Variants in ARG2 observed in about 807,000 individuals in gnomAD.
ARG2 encodes arginase 2.
In ARG2, 21 loss-of-function variants were observed where a neutral mutation model predicts 39.4. The observed-to-expected ratio is 0.53, with a 90% CI of 0.38 to 0.77. The LOEUF is 0.77. ARG2 is among the 30% of genes least tolerant of loss of function. The pLI is 0.00. For missense variants in ARG2, 378 were observed against 426.2 expected, an observed-to-expected ratio of 0.89 and a Z score of 1.00; for synonymous variants, 150 against 156.7, an observed-to-expected ratio of 0.96 and a Z score of 0.32.
At chr14:67,640,880 T>C (rs1314223403) in intron 2 of ARG2, among the ~76,000 whole-genome samples, 1 of 152,164 alleles carries the variant, frequency 6.6e-6, no homozygotes, top group African/African-American at 2.4e-5. Flanking sequence ...AGGATAGAGG[T>C]TGAGCGTCCC....
At chr14:67,637,619 T>C (rs1193857317) in intron 2 of ARG2, among the ~76,000 whole-genome samples, 1 of 152,094 alleles carries the variant, frequency 6.6e-6, no homozygotes, top group African/African-American at 2.4e-5. Flanking sequence ...CTTTGGGTAT[T>C]GGTAGTACCC....
chr14:67,622,138 C>T (rs1418449449), intron 2 of ARG2, among the ~76,000 whole-genome samples: 1 of 152,036 alleles, frequency 6.6e-6, no homozygotes, highest in African/African-American at 2.4e-5. Flanking sequence ...TCTTTATATC[C>T]AATCTAAATG....
intron 4 of ARG2, chr14:67,646,440 A>G (rs1240153331): frequency 5.4e-6 from 3 of 551,452 alleles, no homozygotes; most frequent in Non-Finnish European, 9.7e-6. Context: ...TTGAGAAAGC[A>G]ATACTGTGTT....
chr14:67,634,096 G>T (rs2036945784), intron 2 of ARG2, among the ~76,000 whole-genome samples: 1 of 151,982 alleles, frequency 6.6e-6, no homozygotes, highest in Non-Finnish European at 1.5e-5. Flanking sequence ...GTATACTTTT[G>T]TTGAAGGAAA....
intron 7 of ARG2, chr14:67,649,833 T>A (rs905077675): frequency 6.6e-6 from 1 of 152,212 alleles, no homozygotes; most frequent in African/African-American, 2.4e-5. Context: ...ATACTTGTAT[T>A]CCTGAATACT....
At position 67,644,721 on chromosome 14, in the gene ARG2, G is replaced by A. The variant is rs148815230; in HGVS notation, c.363-922G>A. Among the ~76,000 whole-genome samples the A allele has an allele frequency of 8.3e-4, 127 of 152,294 alleles. 2 individuals carry two copies. In the Middle Eastern group the frequency reaches 0.01, roughly 12 times the overall value. On this transcript the variant is annotated intron_variant, in intron 3 of 7. Coordinates refer to ENST00000261783, the MANE Select transcript of ARG2 (RefSeq NM_001172.4). ...ACTTTAAGATCTTATATTTGAGGCTGGGCATAGTGGCTCACGCCTGTAATC... is the reference window on the plus strand; with the variant it reads ...ACTTTAAGATCTTATATTTGAGGCTAGGCATAGTGGCTCACGCCTGTAATC...
In ARG2 at chr14:67,651,238, C is replaced by A; in HGVS notation, c.*318C>A. 1 of 1,483,560 alleles carries A rather than the reference C, an allele frequency of 6.7e-7. No homozygotes were observed. The highest frequency in any genetic ancestry group is 9.0e-7 in the Non-Finnish European group (1 of 1,116,732). The allele number at this position is 1,483,560 out of a possible 1,614,324, so 91.9% of individuals were successfully genotyped here. A position where few individuals can be genotyped will look rare whatever the true frequency, so the allele number is the denominator to read the frequency against. On this transcript the variant is annotated 3_prime_UTR_variant, in exon 8 of 8. Transcript: ENST00000261783. ...CCTTCACATTTAAGTGGTTTTTCAT[C>A]TTTCCTCCCTCCTCCCACAGCCTGG...
rs2037170525 is a variant in ARG2, at chr14:67,651,183, G to GTATATCATACTGGTCTTGTTGCTGT, written c.*265_*289dup. Reference sequence around the variant, plus strand: ...GTCATAAACAGCATTTATTACCTTGGTATATCATACTGGTCTTGTTGCTGT... The same window carrying GTATATCATACTGGTCTTGTTGCTGT: ...GTCATAAACAGCATTTATTACCTTGGTATATCATACTGGTCTTGTTGCTGTTATATCATACTGGTCTTGTTGCTGT... On this transcript the variant is annotated 3_prime_UTR_variant, in exon 8 of 8. Transcript: ENST00000261783. 1 of 1,038,200 alleles carries GTATATCATACTGGTCTTGTTGCTGT rather than the reference G, an allele frequency of 9.6e-7. No individual in the cohort carries two copies. Among genetic ancestry groups the GTATATCATACTGGTCTTGTTGCTGT allele is most frequent in the African/African-American group, 1.6e-5 (1 of 61,662 alleles). 64.3% of individuals were successfully genotyped at this position (1,038,200 alleles called of 1,614,324 possible).
intron 2 of ARG2, among the ~76,000 whole-genome samples, chr14:67,624,610 C>T (rs1174524831): frequency 6.6e-6 from 1 of 152,134 alleles, no homozygotes; most frequent in East Asian, 1.9e-4. Context: ...CATGAGACAG[C>T]ACTAGGGAGA....
At chr14:67,621,115 A>C in intron 2 of ARG2, 149 bp downstream of exon 2, 1 of 719,804 alleles carries the variant, frequency 1.4e-6, no homozygotes, top group East Asian at 2.8e-5. Flanking sequence ...CTGCGGCTTA[A>C]GATCAAGGAG....
At chr14:67,648,253 G>T in intron 7 of ARG2, 70 bp downstream of exon 7, 4 of 1,508,594 alleles carry the variant, frequency 2.7e-6, no homozygotes, top group South Asian at 1.3e-5. Flanking sequence ...TGCCTGCAAA[G>T]GATCTTTTCT....
rs1172674979 is a variant in ARG2, at chr14:67,620,014, A to G, written c.37A>G (p.Thr13Ala). The G allele has an allele frequency of 6.2e-7, 1 of 1,610,730 alleles. No homozygotes were observed. The highest frequency in any genetic ancestry group is 8.5e-7 in the Non-Finnish European group (1 of 1,178,600). Reference sequence around the variant, plus strand: ...GGGCAGCCTCTCGCGTCTCCTCCAGACGCGAGTGCATTCCATCCTGAAGAA... The same window carrying G: ...GGGCAGCCTCTCGCGTCTCCTCCAGGCGCGAGTGCATTCCATCCTGAAGAA... ...LRGSLSRLLQ[T>A]RVHSILKKSV... Residue 13 changes from threonine to alanine, a missense_variant, in exon 1 of 8, where the codon ACG (threonine) becomes GCG (alanine). Physicochemically the swap from Thr to Ala is moderately conservative, Grantham distance 58 (BLOSUM62 0). Transcript: ENST00000261783.
At chr14:67,629,016 C>T (rs2036893493) in intron 2 of ARG2, among the ~76,000 whole-genome samples, 1 of 152,282 alleles carries the variant, frequency 6.6e-6, no homozygotes, top group African/African-American at 2.4e-5. Context: ...GTGGTACATA[C>T]ATATAATGGA....
intron 2 of ARG2, among the ~76,000 whole-genome samples, chr14:67,629,339 AT>A (rs2036896382): frequency 6.6e-6 from 1 of 152,228 alleles, no homozygotes; most frequent in Non-Finnish European, 1.5e-5. Flanking sequence ...ATAAAGCCTC[AT>A]CTGTTTAAGA....
Position 67,646,955 on chromosome 14 carries a change from T to C in ARG2, c.652T>C (p.Ser218Pro). The change falls in exon 6 of 8, where the codon TCC (serine) becomes CCC (proline). Residue 218 changes from serine (S) to proline (P), a missense_variant. Coordinates refer to ENST00000261783, the MANE Select transcript of ARG2 (RefSeq NM_001172.4). ...ILKNYDIQYFSMRDIDRLGIQ... is the reference protein window; with the variant it reads ...ILKNYDIQYFPMRDIDRLGIQ... The stretch of plus-strand genomic sequence containing the variant: ...AAAGAACTATGATATCCAGTATTTT[T>C]CCATGAGAGATATTGATCGACTTGG... 1 of 1,611,702 alleles carries C rather than the reference T, an allele frequency of 6.2e-7. No homozygotes were observed. Among genetic ancestry groups the C allele is most frequent in the South Asian group, 1.1e-5 (1 of 91,000 alleles).
Position 67,651,518 on chromosome 14 carries a change from T to C in ARG2, c.*598T>C. The C allele has an allele frequency of 6.2e-7, 1 of 1,608,422 alleles. No individual in the cohort carries two copies. The highest frequency in any genetic ancestry group is 8.5e-7 in the Non-Finnish European group (1 of 1,176,628). On this transcript the variant is annotated 3_prime_UTR_variant, in exon 8 of 8. Transcript: ENST00000261783. The stretch of plus-strand genomic sequence containing the variant: ...AGCAAAGTGGGGAGTAGTCAGAAGT[T>C]TGGATAACCTTCCTTCTAAACATTT...
At chr14:67,647,548 T>A (rs550138544) in intron 6 of ARG2, 56 of 155,862 alleles carry the variant, frequency 3.6e-4, no homozygotes, top group Middle Eastern at 3.3e-3. Flanking sequence ...ACTGGGGCTA[T>A]AATGAAGTTA....
chr14:67,623,063 CT>C (rs2036827369), intron 2 of ARG2, among the ~76,000 whole-genome samples: 1 of 152,122 alleles, frequency 6.6e-6, no homozygotes, highest in Non-Finnish European at 1.5e-5. Context: ...TTCCCTTTGA[CT>C]TTTTTTCTCA....
At chr14:67,627,307 T>C (rs1470420694) in intron 2 of ARG2, among the ~76,000 whole-genome samples, 2 of 147,104 alleles carry the variant, frequency 1.4e-5, no homozygotes, top group Non-Finnish European at 3.0e-5. Context: ...TTGCTAATAT[T>C]GATCTGTTTT....
Sources: allele counts gnomAD v4.1 joint callset (sites outside exome capture counted in the v4.1 genomes callset), GRCh38; gene constraint gnomAD v4.1.1; transcripts MANE v1.5; gene names NCBI Gene and HGNC (gene_info 2026-07-23, HGNC 2026-07-21).